Variants in OXR1 observed in about 807,000 individuals in gnomAD.
OXR1 encodes the protein oxidation resistance protein 1.
In OXR1, 41 loss-of-function variants were observed where a neutral mutation model predicts 104.6. The ratio of observed to expected loss-of-function variants is 0.39; its 90% confidence interval spans 0.31 to 0.51. The LOEUF (loss-of-function observed/expected upper bound fraction) is 0.51. Ranked by LOEUF, OXR1 falls within the 20% of genes least tolerant of loss-of-function variation. OXR1 has a pLI of 0.77. For missense variants in OXR1, 955 were observed against 1,031.9 expected (o/e 0.93, Z 1.02); for synonymous variants, 348 against 348.4 (o/e 1.00, Z 0.01).
intron 1 of OXR1, among the ~76,000 whole-genome samples, chr8:106,311,210 C>T (rs141346829): frequency 1.9e-4 from 29 of 152,100 alleles, no homozygotes; most frequent in South Asian, 8.3e-4. Flanking sequence ...TAAATTTCAA[C>T]GATAATTTTT....
intron 2 of OXR1, among the ~76,000 whole-genome samples, chr8:106,371,219 T>A (rs1006199659): frequency 6.6e-6 from 1 of 152,150 alleles, no homozygotes; most frequent in Non-Finnish European, 1.5e-5. Context: ...CTGATAGTAA[T>A]TTTTATTTCT....
intron 2 of OXR1, among the ~76,000 whole-genome samples, chr8:106,398,134 A>T (rs112574734): frequency 9.9e-5 from 15 of 152,222 alleles, no homozygotes; most frequent in African/African-American, 3.4e-4. Flanking sequence ...ACTAATTTTA[A>T]CTTGGTTCCC....
rs1478161798 is a variant in OXR1 at position 106,495,366 on chromosome 8, A to G, written c.24-23577A>G. Among the ~76,000 whole-genome samples the G allele has an allele frequency of 5.3e-5, 8 of 152,290 alleles. No homozygotes were observed. In the East Asian group the frequency reaches 1.5e-3, roughly 29 times the overall value. On this transcript the variant is annotated intron_variant, in intron 2 of 16. Transcript: ENST00000517566. ...ATCCTGGAAGAAGACAGGCAATTCTATAAATAGAGAGAGAAAAGGAGAAGA... is the reference window on the plus strand; with the variant it reads ...ATCCTGGAAGAAGACAGGCAATTCTGTAAATAGAGAGAGAAAAGGAGAAGA...
At chr8:106,571,610 A>G (rs1044492852) in intron 3 of OXR1, among the ~76,000 whole-genome samples, 2 of 152,146 alleles carry the variant, frequency 1.3e-5, no homozygotes, top group African/African-American at 4.8e-5. Context: ...ATTCCATCCC[A>G]ACAGCCCCCA....
chr8:106,705,120 T>C (rs1831020281), intron 8 of OXR1, among the ~76,000 whole-genome samples: 1 of 152,186 alleles, frequency 6.6e-6, no homozygotes, highest in African/African-American at 2.4e-5. Flanking sequence ...TTTCTAAATA[T>C]ATATCCTGTC....
intron 2 of OXR1, among the ~76,000 whole-genome samples, chr8:106,427,241 G>C (rs1268837874): frequency 6.6e-6 from 1 of 151,870 alleles, no homozygotes; most frequent in African/African-American, 2.4e-5. Context: ...GCCTGATCTC[G>C]GCTCACTGCA....
chr8:106,295,490 A>G (rs938592657), intron 1 of OXR1, among the ~76,000 whole-genome samples: 4 of 152,022 alleles, frequency 2.6e-5, no homozygotes, highest in Non-Finnish European at 5.9e-5. Context: ...GTTATGCACG[A>G]CTCATTATAT....
chr8:106,354,184 C>T (rs1563733177), intron 1 of OXR1, among the ~76,000 whole-genome samples: 1 of 151,416 alleles, frequency 6.6e-6, no homozygotes, highest in Non-Finnish European at 1.5e-5. Context: ...AGTAGAGAGC[C>T]TAGGTTAGGA....
At chr8:106,384,580 A>G (rs1817290444) in intron 2 of OXR1, among the ~76,000 whole-genome samples, 1 of 152,108 alleles carries the variant, frequency 6.6e-6, no homozygotes, top group Non-Finnish European at 1.5e-5. Context: ...TCTTAGGTAT[A>G]TTTCGAAATC....
chr8:106,481,146 G>A lies in OXR1; in HGVS notation c.24-37797G>A, dbSNP rs549017175. ...TTATGTTGTGCTGATCATAAGACAGGCAAGTGCTTTAGTAAAACATACTCA... is the reference window on the plus strand; with the variant it reads ...TTATGTTGTGCTGATCATAAGACAGACAAGTGCTTTAGTAAAACATACTCA... On this transcript the variant is annotated intron_variant, in intron 2 of 16. Coordinates refer to ENST00000517566, the MANE Select transcript of OXR1 (RefSeq NM_001198533.2). Among the ~76,000 whole-genome samples the A allele has an allele frequency of 4.6e-5, 7 of 152,014 alleles. No individual in the cohort carries two copies. In the South Asian group the frequency reaches 1.5e-3, roughly 32 times the overall value.
chr8:106,436,404 C>G (rs990669021), intron 2 of OXR1, among the ~76,000 whole-genome samples: 6 of 152,044 alleles, frequency 3.9e-5, no homozygotes, highest in Non-Finnish European at 7.4e-5. Flanking sequence ...TCACCTCACT[C>G]TCTAGCCCCA....
intron 3 of OXR1, among the ~76,000 whole-genome samples, chr8:106,538,227 C>T (rs1398344091): frequency 2.0e-5 from 3 of 152,236 alleles, no homozygotes; most frequent in East Asian, 3.9e-4. Flanking sequence ...CCCCTTTAGG[C>T]CTCAAATTCT....
At chr8:106,611,224 C>T (rs1820789213) in intron 3 of OXR1, among the ~76,000 whole-genome samples, 1 of 152,164 alleles carries the variant, frequency 6.6e-6, no homozygotes, top group Non-Finnish European at 1.5e-5. Flanking sequence ...TGGGGAAGAG[C>T]ATTCTAAGAA....
At chr8:106,389,863 C>T (rs557814872) in intron 2 of OXR1, among the ~76,000 whole-genome samples, 8 of 152,160 alleles carry the variant, frequency 5.3e-5, no homozygotes, top group East Asian at 3.9e-4. Flanking sequence ...GTCAGGAGTT[C>T]GAGACCAGCC....
chr8:106,407,355 G>A (rs1178290916), intron 2 of OXR1, among the ~76,000 whole-genome samples: 1 of 152,124 alleles, frequency 6.6e-6, no homozygotes, highest in Non-Finnish European at 1.5e-5. Flanking sequence ...TTAGAATTCA[G>A]AATGCATTTC....
At chr8:106,461,464 A>G (rs1275138755) in intron 2 of OXR1, among the ~76,000 whole-genome samples, 1 of 152,020 alleles carries the variant, frequency 6.6e-6, no homozygotes, top group Non-Finnish European at 1.5e-5. Context: ...CCAGCTACTC[A>G]GGAGGCAGGA....
At chr8:106,286,829 A>G (rs1812522467) in intron 1 of OXR1, among the ~76,000 whole-genome samples, 1 of 152,224 alleles carries the variant, frequency 6.6e-6, no homozygotes, top group Non-Finnish European at 1.5e-5. Context: ...AACTCCCGTA[A>G]TGGTCTCTAA....
At chr8:106,302,886 G>A (rs1159908195) in intron 1 of OXR1, among the ~76,000 whole-genome samples, 3 of 151,438 alleles carry the variant, frequency 2.0e-5, no homozygotes, top group Non-Finnish European at 2.9e-5. Context: ...CGAGTAGCTG[G>A]GACTACAGGC....
intron 3 of OXR1, among the ~76,000 whole-genome samples, chr8:106,619,175 A>G (rs1821487064): frequency 6.6e-6 from 1 of 152,216 alleles, no homozygotes; most frequent in South Asian, 2.1e-4. Flanking sequence ...ATCAGAATGT[A>G]TAATATACTT....
Sources: allele counts gnomAD v4.1 joint callset (sites outside exome capture counted in the v4.1 genomes callset), GRCh38; gene constraint gnomAD v4.1.1; transcripts MANE v1.5; gene names NCBI Gene and HGNC (gene_info 2026-07-23, HGNC 2026-07-21).